Variants in LRRK1 observed in about 807,000 individuals in gnomAD.
The protein encoded by LRRK1 is leucine rich repeat kinase 1.
A neutral mutation model predicts 209.1 loss-of-function variants in LRRK1; 113 were observed. That is an observed-to-expected ratio of 0.54 (90% CI 0.46 to 0.63). The LOEUF (loss-of-function observed/expected upper bound fraction) is 0.63, where lower values mean the gene tolerates loss of function less well. Ranked by LOEUF, LRRK1 falls within the 30% of genes least tolerant of loss-of-function variation. The probability of loss-of-function intolerance (pLI) is 0.00; values close to 1 mark genes in which losing one functional copy is unlikely to be tolerated. For missense variants in LRRK1, 2,284 were observed against 2,632.2 expected, an observed-to-expected ratio of 0.87 and a Z score of 2.89; for synonymous variants, 1,144 against 1,099.7, an observed-to-expected ratio of 1.04 and a Z score of -0.80.
intron 8 of LRRK1, 29 bp from the exon 9 acceptor site, chr15:101,010,645 A>G (rs762563556): frequency 1.9e-6 from 3 of 1,543,654 alleles, no homozygotes; most frequent in Non-Finnish European, 2.6e-6. Context: ...TTACCAATTC[A>G]TACTTTGGGT....
chr15:101,010,745 G>T lies in LRRK1; in HGVS notation c.1189G>T (p.Ala397Ser), dbSNP rs200253977. 2.5e-6 allele frequency: 4 copies of T among 1,613,094 alleles called. No homozygotes were observed. The highest frequency in any genetic ancestry group is 2.5e-6 in the Non-Finnish European group (3 of 1,179,734). The change falls in exon 9 of 34, where the codon GCC (alanine) becomes TCC (serine). Residue 397 changes from alanine (A) to serine (S), a missense_variant. Ala to Ser is a moderately conservative substitution (Grantham distance 99, BLOSUM62 1). This residue lies in a region of LRRK1 where 494 missense variants were observed against 522.1 expected (regional missense o/e 0.95). Coordinates refer to ENST00000388948, the MANE Select transcript of LRRK1 (RefSeq NM_024652.6). ...TGACAATAAATTGACAGAACTCCCT[G>T]CCCTGTTCCTTCACTCTTTCAAGTC... ...ISDNKLTELP[A>S]LFLHSFKSLN... is the part of the protein sequence containing the mutation.
intron 2 of LRRK1, among the ~76,000 whole-genome samples, chr15:100,938,614 T>C (rs779410049): frequency 2.6e-5 from 4 of 151,630 alleles, no homozygotes; most frequent in Non-Finnish European, 5.9e-5. Flanking sequence ...AACCCCCTTC[T>C]CTCTCTTTCC....
intron 26 of LRRK1, 39 bp downstream of exon 26, chr15:101,053,459 A>C: frequency 6.6e-7 from 1 of 1,520,590 alleles, no homozygotes; most frequent in Non-Finnish European, 8.8e-7. Context: ...CCGGAGACCG[A>C]CAGAGCCCCG....
chr15:101,061,286 G>A lies in LRRK1; in HGVS notation c.4795G>A (p.Glu1599Lys), dbSNP rs773558472. ...QVQRSLWTAT[E>K]DQKIYIYTLK... ...CCAGAGATCCCTGTGGACAGCCACCGAGGTAAGCACTGCCCGCAGGCCTGC... is the reference window on the plus strand; with the variant it reads ...CCAGAGATCCCTGTGGACAGCCACCAAGGTAAGCACTGCCCGCAGGCCTGC... The change falls in exon 30 of 34, where the codon GAG (glutamate) becomes AAG (lysine). Residue 1599 changes from glutamate to lysine, a missense_variant and splice_region_variant. By Grantham distance (56) the Glu-to-Lys change is moderately conservative. This residue lies in a region of LRRK1 where 643 missense variants were observed against 695.9 expected (regional missense o/e 0.92). Transcript: ENST00000388948. 21 of 1,608,766 alleles carry A rather than the reference G, an allele frequency of 1.3e-5. No individual in the cohort carries two copies. The Admixed American group carries it at 2.2e-4, about 17-fold the overall frequency.
At chr15:101,064,412 C>T (rs2036396927) in intron 31 of LRRK1, 1 of 153,200 alleles carries the variant, frequency 6.5e-6, no homozygotes, top group Non-Finnish European at 1.5e-5. Flanking sequence ...CCCACCCCCA[C>T]CACAGCCGAC....
chr15:100,986,566 C>T (rs140815520), intron 4 of LRRK1, among the ~76,000 whole-genome samples: 1 of 152,218 alleles, frequency 6.6e-6, no homozygotes, highest in South Asian at 2.1e-4. Context: ...GGTGTAAGAG[C>T]AGCTGAGTCA....
chr15:100,972,951 C>T (rs1217043291), intron 2 of LRRK1, among the ~76,000 whole-genome samples: 3 of 139,968 alleles, frequency 2.1e-5, no homozygotes, highest in Non-Finnish European at 3.1e-5. Context: ...GTTTTGTGTA[C>T]AATTTTAGGG....
chr15:100,973,903 A>G lies in LRRK1; in HGVS notation c.197A>G (p.Asp66Gly). Residue 66 changes from aspartate to glycine, a missense_variant, in exon 3 of 34, where the codon GAC becomes GGC. Physicochemically the swap from Asp to Gly is moderately conservative, Grantham distance 94. Transcript: ENST00000388948. ...ATCCGCGCCGCGTACAGGCGGGGAG[A>G]CCGCGGCGGCGCCCGGGACCTGCTG... is the stretch of plus-strand genomic sequence containing the variant. ...EGIRAAYRRG[D>G]RGGARDLLEE... 1 of 1,268,228 alleles carries G rather than the reference A, an allele frequency of 7.9e-7. No homozygotes were observed. The allele number at this position is 1,268,228 out of a possible 1,614,324, so 78.6% of individuals were successfully genotyped here.
intron 2 of LRRK1, among the ~76,000 whole-genome samples, chr15:100,952,099 G>T (rs375236951): frequency 6.6e-6 from 1 of 152,064 alleles, no homozygotes; most frequent in Non-Finnish European, 1.5e-5. Context: ...ATTATTCCAC[G>T]TATATGACAT....
At position 101,049,764 on chromosome 15, in the gene LRRK1, G is replaced by A. The variant is rs746399327; in HGVS notation, c.3420G>A (p.Leu1140=). The A allele has an allele frequency of 3.1e-6, 5 of 1,613,812 alleles. No homozygotes were observed. The South Asian group carries it at 5.5e-5, about 18-fold the overall frequency. Residue 1140 remains leucine (L), a synonymous_variant, in exon 23 of 34, where the codon TTG becomes TTA. Transcript: ENST00000388948. ...TCATCACGGACCACGTCAATTCCTTGATTGATCAGTGGTTTCCCGGTAAGA... is the reference window on the plus strand; with the variant it reads ...TCATCACGGACCACGTCAATTCCTTAATTGATCAGTGGTTTCCCGGTAAGA... ...MAFITDHVNS[L]IDQWFPALTA... is the part of the protein sequence containing the mutation.
In LRRK1 at chr15:101,008,968, C is replaced by A; in HGVS notation, c.894C>A (p.Pro298=). 1 of 1,614,118 alleles carries A rather than the reference C, an allele frequency of 6.2e-7. No homozygotes were observed. The highest frequency in any genetic ancestry group is 8.5e-7 in the Non-Finnish European group (1 of 1,179,964). ...TGGCGACCCTCCCCTCGGTTATCCC[C>A]TGGGGCCTCATCAATCTCCGGAAGC... The part of the protein sequence containing the change: ...NCLATLPSVI[P]WGLINLRKLN... The change falls in exon 7 of 34, where the codon CCC becomes CCA. Residue 298 remains proline, a synonymous_variant. Transcript: ENST00000388948.
At chr15:100,925,469 T>A (rs2042093349) in intron 2 of LRRK1, among the ~76,000 whole-genome samples, 1 of 152,232 alleles carries the variant, frequency 6.6e-6, no homozygotes, top group Non-Finnish European at 1.5e-5. Flanking sequence ...TTGCTTCTAG[T>A]TGTTTACTCC....
At chr15:101,047,950 G>A (rs139422400) in intron 21 of LRRK1, among the ~76,000 whole-genome samples, 50 of 152,260 alleles carry the variant, frequency 3.3e-4, no homozygotes, top group African/African-American at 1.1e-3. Flanking sequence ...AGTGGTTCAG[G>A]AAATTACTAT....
chr15:100,923,272 A>C (rs1041402414), intron 1 of LRRK1, among the ~76,000 whole-genome samples: 1 of 152,218 alleles, frequency 6.6e-6, no homozygotes, highest in Non-Finnish European at 1.5e-5. Flanking sequence ...TGAGACACAC[A>C]TACCTTTCAG....
Position 100,972,934 on chromosome 15 carries a change from A to ACACACACACACACACC in LRRK1, c.98-867_98-866insACACACACACACCCAC, listed in dbSNP as rs11472046. 3.3e-5 allele frequency among the ~76,000 whole-genome samples: 5 copies of ACACACACACACACACC among 151,646 alleles called. No homozygotes were observed. In the South Asian group the frequency reaches 1.0e-3, roughly 32 times the overall value. On this transcript the variant is annotated intron_variant, in intron 2 of 33. Coordinates refer to ENST00000388948, the MANE Select transcript of LRRK1 (RefSeq NM_024652.6). ...AAAAACTGTACACACACACACACACACACCCAGTTTTGTGTACAATTTTAG... is the reference window on the plus strand; with the variant it reads ...AAAAACTGTACACACACACACACACACACACACACACACACCCACCCAGTTTTGTGTACAATTTTAG...
At chr15:100,942,871 G>T (rs1327503762) in intron 2 of LRRK1, among the ~76,000 whole-genome samples, 1 of 152,086 alleles carries the variant, frequency 6.6e-6, no homozygotes, top group Non-Finnish European at 1.5e-5. Context: ...TGGGCGGGTG[G>T]GGTGTGCACT....
intron 2 of LRRK1, among the ~76,000 whole-genome samples, chr15:100,973,493 C>T (rs910682016): frequency 6.6e-6 from 1 of 152,102 alleles, no homozygotes; most frequent in Non-Finnish European, 1.5e-5. Context: ...CCGCTGCTGT[C>T]GGCGAGGTCG....
In LRRK1 at chr15:100,960,725, C is replaced by A. The variant is rs111242801; in HGVS notation, c.98-13079C>A. On this transcript the variant is annotated intron_variant, in intron 2 of 33. Transcript: ENST00000388948. Reference sequence around the variant, plus strand: ...GCTGTGTCCCCAGGGTCCAGCTCAGCACATAGGAGGTACTAAATATTTGTA... The same window carrying A: ...GCTGTGTCCCCAGGGTCCAGCTCAGAACATAGGAGGTACTAAATATTTGTA... 7.4e-3 allele frequency among the ~76,000 whole-genome samples: 1,125 copies of A among 152,212 alleles called. 17 individuals carry two copies. The highest frequency in any genetic ancestry group is 0.025 in the African/African-American group (1,035 of 41,518).
rs2033194969 is a variant in LRRK1 at position 101,010,740 on chromosome 15, T to C, written c.1184T>C (p.Leu395Pro). 1.9e-5 allele frequency: 30 copies of C among 1,613,634 alleles called. No homozygotes were observed. Among genetic ancestry groups the C allele is most frequent in the Non-Finnish European group, 2.5e-5 (30 of 1,179,868 alleles). ...ATATCTGACAATAAATTGACAGAAC[T>C]CCCTGCCCTGTTCCTTCACTCTTTC... ...LDISDNKLTE[L>P]PALFLHSFKS... Residue 395 changes from leucine to proline, a missense_variant, in exon 9 of 34, where the codon CTC becomes CCC. This residue lies in a region of LRRK1 where 494 missense variants were observed against 522.1 expected (regional missense o/e 0.95). Transcript: ENST00000388948.
Sources: allele counts gnomAD v4.1 joint callset (sites outside exome capture counted in the v4.1 genomes callset), GRCh38; gene constraint gnomAD v4.1.1; regional missense constraint gnomAD v4.1.1; transcripts MANE v1.5; gene names NCBI Gene and HGNC (gene_info 2026-07-23, HGNC 2026-07-21).